ASPA: variants seen among roughly 807,000 people sequenced by gnomAD.
The protein encoded by ASPA is aspartoacylase.
A neutral mutation model predicts 29.6 loss-of-function variants in ASPA; 25 were observed. The observed-to-expected ratio is 0.85, with a 90% confidence interval of 0.62 to 1.18. The LOEUF (loss-of-function observed/expected upper bound fraction) is 1.18. Ranked by LOEUF, ASPA falls within the 50% of genes most tolerant of loss-of-function variation. The pLI is 0.00. For missense variants in ASPA, 333 were observed against 385.7 expected (o/e 0.86, Z 1.14); for synonymous variants, 131 against 130.3 (o/e 1.01, Z -0.04).
In ASPA at chr17:3,481,723, CTCTA is replaced by C. The variant is rs2073633067; in HGVS notation, c.358_361del (p.Ser120ThrfsTer16). 6.2e-7 allele frequency: 1 copy of C among 1,613,754 alleles called. No individual in the cohort carries two copies. Among genetic ancestry groups the C allele is most frequent in the African/African-American group, 1.3e-5 (1 of 75,026 alleles). ...TTATTTTTGACCTTCACAACACCAC[CTCTA>C]ACATGGGGTGCACTCTTATTCTTGA... On this transcript the variant is annotated frameshift_variant, in exon 2 of 6. Coordinates refer to ENST00000263080, the MANE Select transcript of ASPA (RefSeq NM_000049.4). LOFTEE classifies it high-confidence loss of function.
At chr17:3,477,753 C>T (rs541321193) in intron 1 of ASPA, among the ~76,000 whole-genome samples, 3 of 152,226 alleles carry the variant, frequency 2.0e-5, no homozygotes, top group East Asian at 3.9e-4. Flanking sequence ...CGCGCTGGGC[C>T]GCTTTTTTTC....
chr17:3,485,064 G>C lies in ASPA; in HGVS notation c.526+1472G>C, dbSNP rs969298851. Reference sequence around the variant, plus strand: ...GAAAAGGGTCTCACTCTGTTGCCCAGGCTGAGTGTAGTGGCACGATCACAG... The same window carrying C: ...GAAAAGGGTCTCACTCTGTTGCCCACGCTGAGTGTAGTGGCACGATCACAG... On this transcript the variant is annotated intron_variant, in intron 3 of 5. Coordinates refer to ENST00000263080, the MANE Select transcript of ASPA (RefSeq NM_000049.4). The surrounding 1 kb of genome is among the most constrained non-coding windows in gnomAD (Gnocchi z 4.4). Among the ~76,000 whole-genome samples, 1 of 152,034 alleles carries C rather than the reference G, an allele frequency of 6.6e-6. No individual in the cohort carries two copies. The highest frequency in any genetic ancestry group is 1.5e-5 in the Non-Finnish European group (1 of 68,022).
intron 3 of ASPA, among the ~76,000 whole-genome samples, chr17:3,486,403 C>A (rs910281997): frequency 6.6e-6 from 1 of 152,142 alleles, no homozygotes; most frequent in African/African-American, 2.4e-5. Flanking sequence ...GCAGAAGATC[C>A]ATGAAGAATC....
rs1463994559 is a variant in ASPA at position 3,486,932 on chromosome 17, G to A, written c.527-2303G>A. On this transcript the variant is annotated intron_variant, in intron 3 of 5. Transcript: ENST00000263080. Reference sequence around the variant, plus strand: ...ACATGGCTATGGCAGAGTCAGGGGTGGCGTTGAATGAATAATAATTACACA... The same window carrying A: ...ACATGGCTATGGCAGAGTCAGGGGTAGCGTTGAATGAATAATAATTACACA... Among the ~76,000 whole-genome samples, 3 of 152,292 alleles carry A rather than the reference G, an allele frequency of 2.0e-5. No individual in the cohort carries two copies. The East Asian group carries it at 5.8e-4, about 29-fold the overall frequency.
At chr17:3,497,151 A>AGTTC (rs199750298) in intron 5 of ASPA, among the ~76,000 whole-genome samples, 3,596 of 152,250 alleles carry the variant, frequency 0.024, 54 homozygotes, top group Non-Finnish European at 0.036. Flanking sequence ...GAATCAATTG[A>AGTTC]GTTCACCAGG....
chr17:3,477,176 A>AAT (rs1394486333), intron 1 of ASPA, among the ~76,000 whole-genome samples: 1 of 152,070 alleles, frequency 6.6e-6, no homozygotes, highest in Non-Finnish European at 1.5e-5. Flanking sequence ...TAAATAAATA[A>AAT]AAATAAAGAC....
Position 3,496,673 on chromosome 17 carries a change from C to T in ASPA, c.744+2214C>T, listed in dbSNP as rs151231247. Among the ~76,000 whole-genome samples the T allele has an allele frequency of 2.6e-5, 4 of 152,320 alleles. No individual in the cohort carries two copies. The East Asian group carries it at 5.8e-4, about 22-fold the overall frequency. On this transcript the variant is annotated intron_variant, in intron 5 of 5. Transcript: ENST00000263080. ...TACTAAGGGATGCTAACTGGAATCACGTAGGGGACCCCCTCCCAGTGCCTA... is the reference window on the plus strand; with the variant it reads ...TACTAAGGGATGCTAACTGGAATCATGTAGGGGACCCCCTCCCAGTGCCTA...
rs557863138 is a variant in ASPA, at chr17:3,486,036, A to C, written c.526+2444A>C. On this transcript the variant is annotated intron_variant, in intron 3 of 5. Coordinates refer to ENST00000263080, the MANE Select transcript of ASPA (RefSeq NM_000049.4). Reference sequence around the variant, plus strand: ...CAACCTCCGCCTCCTGGGTTTAAGCAATTCTCCTGCCTCAGCCTCCTGAGT... The same window carrying C: ...CAACCTCCGCCTCCTGGGTTTAAGCCATTCTCCTGCCTCAGCCTCCTGAGT... 1.7e-3 allele frequency among the ~76,000 whole-genome samples: 251 copies of C among 151,424 alleles called. 1 individual carries two copies. Among genetic ancestry groups the C allele is most frequent in the Non-Finnish European group, 3.1e-3 (212 of 67,844 alleles).
At chr17:3,483,645 C>A in intron 3 of ASPA, 53 bp downstream of exon 3, 4 of 1,477,864 alleles carry the variant, frequency 2.7e-6, no homozygotes, top group Non-Finnish European at 3.8e-6. Flanking sequence ...CTAGCTGAAA[C>A]TCAGAGAAAT....
chr17:3,499,189 C>A lies in ASPA; in HGVS notation c.*101C>A. The A allele has an allele frequency of 7.9e-7, 1 of 1,271,702 alleles. No individual in the cohort carries two copies. 78.8% of individuals were successfully genotyped at this position (1,271,702 alleles called of 1,614,324 possible). ...GTGCCTTATTCAACTGCATACATAG[C>A]TCCTAGCACAGTGCCTTATTCGGTA... On this transcript the variant is annotated 3_prime_UTR_variant, in exon 6 of 6. Transcript: ENST00000263080.
intron 3 of ASPA, among the ~76,000 whole-genome samples, chr17:3,484,086 C>T (rs1290233376): frequency 6.6e-6 from 1 of 152,234 alleles, no homozygotes; most frequent in Non-Finnish European, 1.5e-5. Context: ...CACTGAGCAG[C>T]TTTCTGGTTT....
At chr17:3,489,752 GGTGAACATATAA>G (rs1366439240) in intron 4 of ASPA, among the ~76,000 whole-genome samples, 2 of 152,134 alleles carry the variant, frequency 1.3e-5, no homozygotes, top group Admixed American at 6.5e-5. Flanking sequence ...ATTACCTGCT[GGTGAACATATAA>G]GTGAACATAT....
rs913892832 is a variant in ASPA, at chr17:3,502,059, A to G, written c.*2971A>G. The G allele has an allele frequency of 2.0e-5, 3 of 152,242 alleles. No homozygotes were observed. Among genetic ancestry groups the G allele is most frequent in the Non-Finnish European group, 4.4e-5 (3 of 68,050 alleles). The allele number at this position is 152,242 out of a possible 1,614,324, so 9.4% of individuals were successfully genotyped here. A position where few individuals can be genotyped will look rare whatever the true frequency, so the allele number is the denominator to read the frequency against. Reference sequence around the variant, plus strand: ...CACGAAAGGAAGAGTCAATCAATGCAGCGAACTTGTTGTTTTATTTTAAGA... The same window carrying G: ...CACGAAAGGAAGAGTCAATCAATGCGGCGAACTTGTTGTTTTATTTTAAGA... On this transcript the variant is annotated 3_prime_UTR_variant, in exon 6 of 6. Coordinates refer to ENST00000263080, the MANE Select transcript of ASPA (RefSeq NM_000049.4).
chr17:3,499,143 A>T lies in ASPA; in HGVS notation c.*55A>T. On this transcript the variant is annotated 3_prime_UTR_variant, in exon 6 of 6. Transcript: ENST00000263080. ...TGTCTTACAAATTCTGCTAGTCTGT[A>T]AGCTCCTTAAGAGTAGGGTTGTGCC... 1 of 1,562,542 alleles carries T rather than the reference A, an allele frequency of 6.4e-7. No individual in the cohort carries two copies.
Position 3,490,610 on chromosome 17 carries a change from G to A in ASPA, c.634+1268G>A, listed in dbSNP as rs1256451734. ...CTTTGACTCCAAAATCATGAAAACT[G>A]AAAATTTGCTTTTTACCATCTTTGT... On this transcript the variant is annotated intron_variant, in intron 4 of 5. Coordinates refer to ENST00000263080, the MANE Select transcript of ASPA (RefSeq NM_000049.4). The surrounding 1 kb of genome is among the most constrained non-coding windows in gnomAD (Gnocchi z 4.6). Among the ~76,000 whole-genome samples the A allele has an allele frequency of 6.6e-6, 1 of 152,126 alleles. No homozygotes were observed. Among genetic ancestry groups the A allele is most frequent in the East Asian group, 1.9e-4 (1 of 5,190 alleles).
Position 3,500,921 on chromosome 17 carries a change from T to G in ASPA, c.*1833T>G, listed in dbSNP as rs1315969772. 6.7e-6 allele frequency: 1 copy of G among 148,984 alleles called. No homozygotes were observed. Among genetic ancestry groups the G allele is most frequent in the African/African-American group, 2.5e-5 (1 of 40,782 alleles). The allele number at this position is 148,984 out of a possible 1,614,324, so 9.2% of individuals were successfully genotyped here. ...TTGCGGCATGGTTTACTGTATATTT[T>G]AAGCCCACTGTTGAGACCTACTGCT... is the stretch of plus-strand genomic sequence containing the variant. On this transcript the variant is annotated 3_prime_UTR_variant, in exon 6 of 6. Transcript: ENST00000263080.
intron 3 of ASPA, among the ~76,000 whole-genome samples, chr17:3,487,002 AAGTT>A (rs2073734328): frequency 1.3e-5 from 2 of 152,090 alleles, no homozygotes; most frequent in South Asian, 4.1e-4. Context: ...TAATCTGAGA[AAGTT>A]AGGAGAGGGC....
chr17:3,486,614 G>T (rs558043986), intron 3 of ASPA, among the ~76,000 whole-genome samples: 1 of 152,150 alleles, frequency 6.6e-6, no homozygotes, highest in Admixed American at 6.6e-5. Flanking sequence ...TTTCTTGAGC[G>T]CCTCATTAGC....
intron 1 of ASPA, among the ~76,000 whole-genome samples, chr17:3,477,332 A>G (rs1456908610): frequency 6.6e-6 from 1 of 152,204 alleles, no homozygotes; most frequent in East Asian, 1.9e-4. Context: ...ATTGCATACA[A>G]CGTAAGCAGT....
Sources: allele counts gnomAD v4.1 joint callset (sites outside exome capture counted in the v4.1 genomes callset), GRCh38; gene constraint gnomAD v4.1.1; non-coding constraint Gnocchi (gnomAD v3.1); transcripts MANE v1.5; gene names NCBI Gene and HGNC (gene_info 2026-07-23, HGNC 2026-07-21).